Variants in SLIT1 observed in about 807,000 individuals in gnomAD.
The protein encoded by SLIT1 is slit homolog 1 protein.
Under a neutral mutation model 186.1 loss-of-function variants are expected in SLIT1, and 66 were observed. The ratio of observed to expected loss-of-function variants is 0.35; its 90% CI spans 0.29 to 0.44. The LOEUF (loss-of-function observed/expected upper bound fraction) is 0.44. SLIT1 is among the 20% of genes least tolerant of loss of function. The pLI is 1.00. For synonymous variants in SLIT1, 761 were observed against 833.8 expected, an observed-to-expected ratio of 0.91 and a Z score of 1.50; for missense variants, 1,638 against 2,037.4, an observed-to-expected ratio of 0.80 and a Z score of 3.77.
chr10:97,048,793 G>A (rs1180287779), intron 14 of SLIT1, among the ~76,000 whole-genome samples, 162 bp downstream of exon 14: 1 of 151,484 alleles, frequency 6.6e-6, no homozygotes, highest in Non-Finnish European at 1.5e-5. Context: ...GTGAACAGGT[G>A]GGTAGGCGGG....
intron 2 of SLIT1, 97 bp downstream of exon 2, chr10:97,164,712 TAGAGGGGCCC>T: frequency 1.2e-6 from 1 of 822,506 alleles, no homozygotes. Context: ...GACTCCGTGG[TAGAGGGGCCC>T]AGACAGCCCA....
At chr10:97,033,933 T>C (rs1392062933) in intron 23 of SLIT1, among the ~76,000 whole-genome samples, 1 of 151,370 alleles carries the variant, frequency 6.6e-6, no homozygotes, top group African/African-American at 2.4e-5. Flanking sequence ...GGCACGATCT[T>C]GGCTCACTGC....
intron 4 of SLIT1, among the ~76,000 whole-genome samples, chr10:97,100,752 G>A (rs915460786): frequency 2.4e-4 from 36 of 152,138 alleles, no homozygotes; most frequent in Non-Finnish European, 1.5e-5. Flanking sequence ...CAATTTTAAG[G>A]CATGTCAGTG....
In SLIT1 at chr10:97,161,190, C is replaced by T. The variant is rs535049154; in HGVS notation, c.341+2190G>A. On this transcript the variant is annotated intron_variant, in intron 3 of 36. Transcript: ENST00000266058. The stretch of plus-strand genomic sequence containing the variant: ...CCCAGTGGGGTCATGTCTCGACCCC[C>T]CAGACCCTTTCCCTCCTCCCCTCCT... 5.9e-5 allele frequency among the ~76,000 whole-genome samples: 9 copies of T among 152,348 alleles called. No individual in the cohort carries two copies. In the East Asian group the frequency reaches 1.7e-3, roughly 29 times the overall value.
chr10:97,053,231 G>C (rs1848807128), intron 13 of SLIT1, among the ~76,000 whole-genome samples: 1 of 152,166 alleles, frequency 6.6e-6, no homozygotes, highest in Non-Finnish European at 1.5e-5. Context: ...TTTCCTGTGT[G>C]TGAGTCCCCG....
At chr10:97,003,940 G>T in intron 34 of SLIT1, 128 bp downstream of exon 34, 1 of 863,114 alleles carries the variant, frequency 1.2e-6, no homozygotes, top group Non-Finnish European at 1.8e-6. Flanking sequence ...CAGTCCACCT[G>T]CAGCTTGGCC....
intron 1 of SLIT1, among the ~76,000 whole-genome samples, chr10:97,170,493 G>A (rs7089197): frequency 0.097 from 14,739 of 152,234 alleles, 756 homozygotes; most frequent in East Asian, 0.17. Flanking sequence ...AGCTCCAGCC[G>A]GTGCTGGACT....
chr10:97,154,244 G>C lies in SLIT1; in HGVS notation c.413+3574C>G, dbSNP rs146429130. 3.3e-5 allele frequency: 5 copies of C among 152,300 alleles called. No homozygotes were observed. In the East Asian group the frequency reaches 9.6e-4, roughly 29 times the overall value. 9.4% of individuals were successfully genotyped at this position (152,300 alleles called of 1,614,324 possible). A position where few individuals can be genotyped will look rare whatever the true frequency, so the allele number is the denominator to read the frequency against. ...CCCGGTAAGCCCAGACACCAGGGAC[G>C]AACAACCAGATAAATAAGGTTTGTT... On this transcript the variant is annotated intron_variant, in intron 4 of 36. Coordinates refer to ENST00000266058, the MANE Select transcript of SLIT1 (RefSeq NM_003061.3).
In SLIT1 at chr10:97,059,481, C is replaced by T. The variant is rs1848871571; in HGVS notation, c.1064G>A (p.Gly355Asp). Residue 355 changes from glycine to aspartate, a missense_variant, in exon 11 of 37, where the codon GGC (glycine) becomes GAC (aspartate). Physicochemically the swap from Gly to Asp is moderately conservative, Grantham distance 94 (BLOSUM62 -1). Transcript: ENST00000266058. ...TCACAGCGAGTTCAGGGAGCGGAGG[C>T]CCTGGAAGGCGTCGGGTGCAATCTC... Reference protein sequence around the residue: ...IAEIAPDAFQGLRSLNSLVLY... With the variant: ...IAEIAPDAFQDLRSLNSLVLY... 6.2e-7 allele frequency: 1 copy of T among 1,613,788 alleles called. No homozygotes were observed. Among genetic ancestry groups the T allele is most frequent in the Non-Finnish European group, 8.5e-7 (1 of 1,179,980 alleles).
At chr10:97,100,266 A>G (rs932157610) in intron 4 of SLIT1, among the ~76,000 whole-genome samples, 11 of 152,190 alleles carry the variant, frequency 7.2e-5, no homozygotes, top group Admixed American at 5.9e-4. Flanking sequence ...CCCCGCAGGG[A>G]AGGCACAGCA....
chr10:97,173,384 G>A (rs1850215861), intron 1 of SLIT1, among the ~76,000 whole-genome samples: 1 of 152,182 alleles, frequency 6.6e-6, no homozygotes, highest in African/African-American at 2.4e-5. Flanking sequence ...AGGAAATGGA[G>A]CCTACAGGTT....
chr10:97,171,646 C>T (rs932419607), intron 1 of SLIT1, among the ~76,000 whole-genome samples: 2 of 152,036 alleles, frequency 1.3e-5, no homozygotes, highest in African/African-American at 4.8e-5. Flanking sequence ...ATGGCGAAAC[C>T]TGTCTCTACT....
chr10:97,076,292 G>C (rs1849045280), intron 4 of SLIT1, among the ~76,000 whole-genome samples: 1 of 152,146 alleles, frequency 6.6e-6, no homozygotes, highest in African/African-American at 2.4e-5. Flanking sequence ...CCAGGGAATG[G>C]GAGACAGACT....
chr10:97,049,208 C>T (rs1253066107), intron 13 of SLIT1, 90 bp from the exon 14 acceptor site: 2 of 1,461,580 alleles, frequency 1.4e-6, no homozygotes, highest in Non-Finnish European at 1.8e-6. Context: ...GTGGCTGGGG[C>T]CAAGGAGGCT....
chr10:97,168,330 A>G (rs930256102), intron 1 of SLIT1, among the ~76,000 whole-genome samples: 18 of 152,344 alleles, frequency 1.2e-4, no homozygotes, highest in African/African-American at 4.3e-4. Flanking sequence ...AAAAAAATGA[A>G]AGTCATACAT....
rs367769497 is a variant in SLIT1, at chr10:97,185,471, T to C, written c.197+7A>G. 35 of 1,610,426 alleles carry C rather than the reference T, an allele frequency of 2.2e-5. No individual in the cohort carries two copies. Among genetic ancestry groups the C allele is most frequent in the Admixed American group, 2.0e-4 (12 of 59,850 alleles). On this transcript the variant is annotated splice_region_variant and intron_variant, in intron 1 of 36. Transcript: ENST00000266058. Reference sequence around the variant, plus strand: ...GCCAGGGAGCCAGGGGCGGGGACCATACTCACAGGCGCTCGGTGTTCCGAG... The same window carrying C: ...GCCAGGGAGCCAGGGGCGGGGACCACACTCACAGGCGCTCGGTGTTCCGAG...
intron 1 of SLIT1, among the ~76,000 whole-genome samples, chr10:97,178,131 A>G (rs1013437383): frequency 6.6e-6 from 1 of 152,220 alleles, no homozygotes; most frequent in Non-Finnish European, 1.5e-5. Flanking sequence ...GATGAGAAAC[A>G]GAATATGTAC....
chr10:97,134,487 C>T (rs565099034), intron 4 of SLIT1, among the ~76,000 whole-genome samples: 9 of 152,258 alleles, frequency 5.9e-5, no homozygotes, highest in African/African-American at 1.7e-4. Flanking sequence ...CCACTTATGC[C>T]GGCCGAGTCT....
At chr10:97,164,051 G>A (rs1442094160) in intron 2 of SLIT1, among the ~76,000 whole-genome samples, 3 of 152,222 alleles carry the variant, frequency 2.0e-5, no homozygotes, top group Admixed American at 6.5e-5. Flanking sequence ...GGGTGCCCAC[G>A]CCAACTGAAC....
Sources: allele counts gnomAD v4.1 joint callset (sites outside exome capture counted in the v4.1 genomes callset), GRCh38; gene constraint gnomAD v4.1.1; transcripts MANE v1.5; gene names NCBI Gene and HGNC (gene_info 2026-07-23, HGNC 2026-07-21).